Variants in SPAST observed in about 807,000 individuals in gnomAD.
SPAST encodes spastin.
A neutral mutation model predicts 76.6 loss-of-function variants in SPAST; 30 were observed. The observed-to-expected ratio is 0.39, with a 90% CI of 0.29 to 0.53. The LOEUF is 0.53. SPAST is among the 20% of genes least tolerant of loss of function. The probability of loss-of-function intolerance (pLI) is 0.68; values close to 1 mark genes in which losing one functional copy is unlikely to be tolerated. For synonymous variants in SPAST, 305 were observed against 281.0 expected, an observed-to-expected ratio of 1.09 and a Z score of -0.86; for missense variants, 717 against 770.5, an observed-to-expected ratio of 0.93 and a Z score of 0.82.
chr2:32,154,518 C>A lies in SPAST; in HGVS notation c.*22C>A. ...TTAAGGAAATACCTTTGTAAACCTG[C>A]AGAACATTTTACTTAAAAGAGGAAA... On this transcript the variant is annotated 3_prime_UTR_variant, in exon 17 of 17. Transcript: ENST00000315285. The A allele has an allele frequency of 6.2e-7, 1 of 1,611,624 alleles. No individual in the cohort carries two copies. Among genetic ancestry groups the A allele is most frequent in the East Asian group, 2.2e-5 (1 of 44,802 alleles).
chr2:32,154,629 A>T lies in SPAST; in HGVS notation c.*133A>T. 1.1e-6 allele frequency: 1 copy of T among 884,686 alleles called. No homozygotes were observed. The highest frequency in any genetic ancestry group is 1.8e-6 in the Non-Finnish European group (1 of 559,272). 54.8% of individuals were successfully genotyped at this position (884,686 alleles called of 1,614,324 possible). A position where few individuals can be genotyped will look rare whatever the true frequency, so the allele number is the denominator to read the frequency against. ...AGAGTCTTACATATTTGTGCACCAA[A>T]CTTGAAGATGAACCAGAAAACAGAC... is the stretch of plus-strand genomic sequence containing the variant. On this transcript the variant is annotated 3_prime_UTR_variant, in exon 17 of 17. Coordinates refer to ENST00000315285, the MANE Select transcript of SPAST (RefSeq NM_014946.4).
intron 13 of SPAST, 80 bp downstream of exon 13, chr2:32,142,026 C>A: frequency 1.9e-6 from 2 of 1,074,372 alleles, no homozygotes; most frequent in African/African-American, 1.5e-5. Context: ...GTCTTCCAAT[C>A]CATGGTACAG....
intron 4 of SPAST, among the ~76,000 whole-genome samples, chr2:32,110,520 CTATATAGTGTGTAT>C (rs1558319615): frequency 1.9e-4 from 10 of 52,768 alleles, no homozygotes; most frequent in South Asian, 8.4e-4. Flanking sequence ...TATATATATA[CTATATAGTGTGTAT>C]ATATAGTATA....
chr2:32,131,332 A>C (rs536226299), intron 9 of SPAST, among the ~76,000 whole-genome samples: 179 of 152,116 alleles, frequency 1.2e-3, no homozygotes, highest in African/African-American at 4.1e-3. Flanking sequence ...TCATTTTCAT[A>C]CTCACTGGAG....
At chr2:32,095,548 G>A (rs934390456) in intron 3 of SPAST, among the ~76,000 whole-genome samples, 2 of 151,158 alleles carry the variant, frequency 1.3e-5, no homozygotes, top group Admixed American at 6.6e-5. Flanking sequence ...CCTGGACAGC[G>A]TACTGAGACC....
chr2:32,151,221 G>T (rs1380740737), intron 16 of SPAST, among the ~76,000 whole-genome samples: 3 of 152,160 alleles, frequency 2.0e-5, no homozygotes, highest in Admixed American at 1.3e-4. Context: ...GGGATTGCAG[G>T]TGTGAGCCAC....
chr2:32,126,137 C>T (rs1411903959), intron 7 of SPAST, among the ~76,000 whole-genome samples: 1 of 152,166 alleles, frequency 6.6e-6, no homozygotes, highest in Non-Finnish European at 1.5e-5. Flanking sequence ...TGCCTTACTA[C>T]TGCTTTCTGT....
At chr2:32,073,244 G>T (rs1676822433) in intron 1 of SPAST, among the ~76,000 whole-genome samples, 1 of 152,118 alleles carries the variant, frequency 6.6e-6, no homozygotes, top group Admixed American at 6.6e-5. Context: ...TGTTGGCCAG[G>T]TTGGTCTCGA....
chr2:32,087,280 G>C (rs893499858), intron 1 of SPAST, among the ~76,000 whole-genome samples: 1 of 151,994 alleles, frequency 6.6e-6, no homozygotes. Context: ...TAGGACTCAC[G>C]GCCCCAAAAT....
In SPAST at chr2:32,065,442, C is replaced by A. The variant is rs574520346; in HGVS notation, c.415+1196C>A. On this transcript the variant is annotated intron_variant, in intron 1 of 16. Coordinates refer to ENST00000315285, the MANE Select transcript of SPAST (RefSeq NM_014946.4). ...CATGAAAAGTGTTATTTAATCCTCACAATAACTTTGTGAGATGAAGGTATT... is the reference window on the plus strand; with the variant it reads ...CATGAAAAGTGTTATTTAATCCTCAAAATAACTTTGTGAGATGAAGGTATT... Among the ~76,000 whole-genome samples the A allele has an allele frequency of 6.6e-5, 10 of 152,244 alleles. No homozygotes were observed. In the South Asian group the frequency reaches 2.1e-3, roughly 32 times the overall value.
intron 2 of SPAST, 68 bp downstream of exon 2, chr2:32,087,646 T>TAAAAAA: frequency 1.6e-6 from 1 of 631,002 alleles, no homozygotes; most frequent in South Asian, 2.4e-5. Context: ...AGATTTCAGA[T>TAAAAAA]CTATTTATTT....
At chr2:32,151,512 C>G (rs1163400997) in intron 16 of SPAST, among the ~76,000 whole-genome samples, 3 of 152,092 alleles carry the variant, frequency 2.0e-5, no homozygotes, top group African/African-American at 4.8e-5. Flanking sequence ...GTAGTTTGCT[C>G]TCTAAAACTG....
rs1302127272 is a variant in SPAST, at chr2:32,098,850, A to G, written c.641A>G (p.Asp214Gly). The change falls in exon 4 of 17, where the codon GAC (aspartate) becomes GGC (glycine). Residue 214 changes from aspartate (D) to glycine (G), a missense_variant. Asp to Gly is a moderately conservative substitution (Grantham distance 94, BLOSUM62 -1). Around this residue, in one of 3 missense-constraint regions of SPAST, gnomAD observed 543 missense variants for 445.2 expected, o/e 1.22. Coordinates refer to ENST00000315285, the MANE Select transcript of SPAST (RefSeq NM_014946.4). ...FSKSQTDVYN[D>G]STNLACRNGH... ...AAGTCACAAACGGACGTCTATAATGACAGTACTAACTTGGCATGCCGCAAT... is the reference window on the plus strand; with the variant it reads ...AAGTCACAAACGGACGTCTATAATGGCAGTACTAACTTGGCATGCCGCAAT... 6.2e-7 allele frequency: 1 copy of G among 1,613,886 alleles called. No homozygotes were observed. The highest frequency in any genetic ancestry group is 2.2e-5 in the East Asian group (1 of 44,838).
In SPAST at chr2:32,087,338, A is replaced by G. The variant is rs563084837; in HGVS notation, c.416-154A>G. ...TTCCCCATAATGGAGTTACATATAC[A>G]CATTACAATGATAAAAATACTAAGA... On this transcript the variant is annotated intron_variant, in intron 1 of 16. Transcript: ENST00000315285. 1.9e-3 allele frequency among the ~76,000 whole-genome samples: 282 copies of G among 152,314 alleles called. 4 individuals are homozygous for G. The highest frequency in any genetic ancestry group is 6.6e-3 in the African/African-American group (274 of 41,580).
chr2:32,139,994 G>A (rs1488577535), intron 12 of SPAST, among the ~76,000 whole-genome samples: 2 of 152,068 alleles, frequency 1.3e-5, no homozygotes, highest in Non-Finnish European at 2.9e-5. Context: ...CTCATGGATT[G>A]GAAGAATCAA....
At chr2:32,151,375 T>C (rs1430953815) in intron 16 of SPAST, among the ~76,000 whole-genome samples, 2 of 152,214 alleles carry the variant, frequency 1.3e-5, no homozygotes, top group African/African-American at 2.4e-5. Context: ...AGCTGGCACG[T>C]AGTAAACACT....
chr2:32,096,967 G>C (rs1233358715), intron 3 of SPAST, among the ~76,000 whole-genome samples: 2 of 152,070 alleles, frequency 1.3e-5, no homozygotes, highest in African/African-American at 4.8e-5. Context: ...GTGCCAAAAA[G>C]GGTAGCTGCT....
chr2:32,112,008 A>AGTAGTAGTG (rs1678631198), intron 4 of SPAST, among the ~76,000 whole-genome samples: 1 of 146,434 alleles, frequency 6.8e-6, no homozygotes, highest in Non-Finnish European at 1.5e-5. Context: ...TAGTAGTAGT[A>AGTAGTAGTG]GTAGTTTTTT....
intron 15 of SPAST, among the ~76,000 whole-genome samples, chr2:32,146,255 C>G (rs1679881666): frequency 1.3e-5 from 2 of 152,124 alleles, no homozygotes; most frequent in Admixed American, 1.3e-4. Flanking sequence ...AAAAGATTCG[C>G]ATCCATTAAA....
Sources: allele counts gnomAD v4.1 joint callset (sites outside exome capture counted in the v4.1 genomes callset), GRCh38; gene constraint gnomAD v4.1.1; regional missense constraint gnomAD v4.1.1; transcripts MANE v1.5; gene names NCBI Gene and HGNC (gene_info 2026-07-23, HGNC 2026-07-21).